Variants in DNAJC24 observed in about 807,000 individuals in gnomAD.
The protein encoded by DNAJC24 is DnaJ heat shock protein family (Hsp40) member C24.
In DNAJC24, 17 loss-of-function variants were observed where a neutral mutation model predicts 18.0. The observed-to-expected ratio is 0.94, with a 90% CI of 0.65 to 1.42. The LOEUF is 1.42. Ranked by LOEUF, DNAJC24 falls within the 40% of genes most tolerant of loss-of-function variation. The probability of loss-of-function intolerance (pLI) is 0.00; values close to 1 mark genes in which losing one functional copy is unlikely to be tolerated. For synonymous variants in DNAJC24, 55 were observed against 57.7 expected, an observed-to-expected ratio of 0.95 and a Z score of 0.21; for missense variants, 158 against 175.6, an observed-to-expected ratio of 0.90 and a Z score of 0.57.
chr11:31,424,803 A>C (rs1363428002), intron 3 of DNAJC24, among the ~76,000 whole-genome samples: 1 of 152,152 alleles, frequency 6.6e-6, no homozygotes, highest in African/African-American at 2.4e-5. Flanking sequence ...AAAATTATGT[A>C]ACTCACTAAT....
At chr11:31,419,714 G>A (rs954686244) in intron 3 of DNAJC24, among the ~76,000 whole-genome samples, 3 of 151,930 alleles carry the variant, frequency 2.0e-5, no homozygotes, top group African/African-American at 7.2e-5. Flanking sequence ...ATTGAAATCA[G>A]TGGGTCCAAA....
intron 2 of DNAJC24, among the ~76,000 whole-genome samples, chr11:31,383,226 C>T (rs2133472020): frequency 6.6e-6 from 1 of 152,066 alleles, no homozygotes; most frequent in East Asian, 1.9e-4. Flanking sequence ...GCTCAACCAT[C>T]AACCCCTCTC....
At chr11:31,387,238 G>A (rs1303889554) in intron 2 of DNAJC24, among the ~76,000 whole-genome samples, 3 of 152,156 alleles carry the variant, frequency 2.0e-5, no homozygotes, top group Admixed American at 6.5e-5. Context: ...AGAGCACTGC[G>A]ACCTTGAGTG....
At chr11:31,413,030 G>A (rs114062781) in intron 2 of DNAJC24, among the ~76,000 whole-genome samples, 25 of 152,150 alleles carry the variant, frequency 1.6e-4, no homozygotes, top group African/African-American at 4.8e-4. Flanking sequence ...TTTAGCCTTC[G>A]CAATTTAGAT....
intron 2 of DNAJC24, among the ~76,000 whole-genome samples, chr11:31,380,977 CTTA>C (rs1952371264): frequency 6.6e-6 from 1 of 152,058 alleles, no homozygotes; most frequent in South Asian, 2.1e-4. Context: ...AAGAGTAAAT[CTTA>C]TTATAGCACA....
intron 3 of DNAJC24, among the ~76,000 whole-genome samples, chr11:31,425,880 T>C (rs550036458): frequency 6.6e-6 from 1 of 152,252 alleles, no homozygotes; most frequent in Non-Finnish European, 1.5e-5. Context: ...ATAACTAAGG[T>C]TCAGATAGTT....
At chr11:31,406,679 G>A (rs1952661025) in intron 2 of DNAJC24, among the ~76,000 whole-genome samples, 1 of 152,150 alleles carries the variant, frequency 6.6e-6, no homozygotes, top group South Asian at 2.1e-4. Context: ...TATGTTGAGT[G>A]ACTTTGAAGC....
chr11:31,380,477 A>G (rs1952365834), intron 2 of DNAJC24, among the ~76,000 whole-genome samples: 2 of 152,228 alleles, frequency 1.3e-5, no homozygotes, highest in African/African-American at 4.8e-5. Context: ...ACGCCAAAAT[A>G]CAAAGACAGG....
intron 2 of DNAJC24, among the ~76,000 whole-genome samples, chr11:31,382,477 TAA>T (rs1952386023): frequency 6.6e-6 from 1 of 152,194 alleles, no homozygotes; most frequent in African/African-American, 2.4e-5. Context: ...CAGGGCCATA[TAA>T]AAATACAGAA....
At chr11:31,425,325 A>G (rs1164935390) in intron 3 of DNAJC24, among the ~76,000 whole-genome samples, 1 of 152,220 alleles carries the variant, frequency 6.6e-6, no homozygotes, top group Non-Finnish European at 1.5e-5. Flanking sequence ...AGGCTTTTAC[A>G]TTTGGATAGA....
intron 3 of DNAJC24, among the ~76,000 whole-genome samples, chr11:31,418,321 A>T (rs1314423614): frequency 1.3e-5 from 2 of 152,164 alleles, no homozygotes; most frequent in African/African-American, 4.8e-5. Context: ...CACATGAATA[A>T]TACCTGTTGA....
chr11:31,417,607 G>A (rs1952762357), intron 3 of DNAJC24, among the ~76,000 whole-genome samples: 1 of 152,068 alleles, frequency 6.6e-6, no homozygotes, highest in South Asian at 2.1e-4. Context: ...CTTTTTACAT[G>A]TGGTGATAAT....
intron 2 of DNAJC24, among the ~76,000 whole-genome samples, chr11:31,389,470 A>G (rs1012863189): frequency 7.2e-5 from 11 of 152,234 alleles, no homozygotes; most frequent in East Asian, 3.8e-4. Context: ...TTGTAAATAC[A>G]TATACACCAA....
At chr11:31,384,399 CTTAG>C (rs1351844178) in intron 2 of DNAJC24, among the ~76,000 whole-genome samples, 1 of 152,176 alleles carries the variant, frequency 6.6e-6, no homozygotes, top group African/African-American at 2.4e-5. Flanking sequence ...GGGATCCTGT[CTTAG>C]TTATTTTTGT....
intron 2 of DNAJC24, among the ~76,000 whole-genome samples, chr11:31,410,078 T>TTA (rs1268039973): frequency 6.6e-6 from 1 of 152,090 alleles, no homozygotes; most frequent in Non-Finnish European, 1.5e-5. Context: ...AAACTGGGTT[T>TTA]CACCATGGTG....
intron 2 of DNAJC24, among the ~76,000 whole-genome samples, chr11:31,376,098 A>ATGCTTCTT (rs1952311919): frequency 1.2e-5 from 1 of 83,622 alleles, no homozygotes; most frequent in African/African-American, 3.0e-5. Context: ...CATGGTAGTG[A>ATGCTTCTT]ATAAGTCTCA....
At chr11:31,404,800 T>A (rs1337092866) in intron 2 of DNAJC24, among the ~76,000 whole-genome samples, 3 of 152,092 alleles carry the variant, frequency 2.0e-5, no homozygotes, top group Non-Finnish European at 4.4e-5. Context: ...GTTTGGAATA[T>A]GTATCTACTG....
chr11:31,420,801 G>A (rs557728650), intron 3 of DNAJC24, among the ~76,000 whole-genome samples: 1 of 152,194 alleles, frequency 6.6e-6, no homozygotes, highest in African/African-American at 2.4e-5. Flanking sequence ...TATGAGTTGT[G>A]TACAATCTAC....
At chr11:31,377,545 T>C (rs961946880) in intron 2 of DNAJC24, among the ~76,000 whole-genome samples, 1 of 152,136 alleles carries the variant, frequency 6.6e-6, no homozygotes, top group Non-Finnish European at 1.5e-5. Context: ...TACTTATTAG[T>C]AAATCAATTG....
Sources: gnomAD v4.1 joint callset for allele counts (sites outside exome capture counted in the v4.1 genomes callset) on GRCh38, gnomAD v4.1.1 for gene constraint, MANE v1.5 for transcripts, NCBI Gene and HGNC (gene_info 2026-07-23, HGNC 2026-07-21) for gene names.